Variants in ZWILCH observed in about 807,000 individuals in gnomAD.
ZWILCH encodes the protein protein zwilch homolog.
ZWILCH carries 74 observed loss-of-function variants against 79.9 expected under a neutral mutation model. The observed-to-expected ratio is 0.93, with a 90% CI of 0.77 to 1.12. The LOEUF (loss-of-function observed/expected upper bound fraction) is 1.12. ZWILCH is among the 50% of genes most tolerant of loss of function. The pLI is 0.00. For synonymous variants in ZWILCH, 241 were observed against 228.2 expected (o/e 1.06, Z -0.51); for missense variants, 694 against 687.5 (o/e 1.01, Z -0.11).
chr15:66,536,019 T>G lies in ZWILCH; in HGVS notation c.1428T>G (p.Ser476Arg). 2 of 1,612,784 alleles carry G rather than the reference T, an allele frequency of 1.2e-6. No homozygotes were observed. The highest frequency in any genetic ancestry group is 2.2e-5 in the South Asian group (2 of 90,866). ...ACCATATTCTAGAAATATTAGTCAG[T>G]TGCATGCCTTTCATTAAATCTCAAC... The part of the protein sequence containing the change: ...KLHHILEILV[S>R]CMPFIKSQHE... Residue 476 changes from serine (S) to arginine (R), a missense_variant, in exon 15 of 19, where the codon AGT (serine) becomes AGG (arginine). Ser to Arg is a moderately radical substitution (Grantham distance 110). Transcript: ENST00000307897.
At chr15:66,506,141 G>A (rs1014004875) in intron 1 of ZWILCH, among the ~76,000 whole-genome samples, 1 of 152,126 alleles carries the variant, frequency 6.6e-6, no homozygotes, top group African/African-American at 2.4e-5. Flanking sequence ...TTTGAGAACC[G>A]CTGTGTAATC....
At position 66,535,332 on chromosome 15, in the gene ZWILCH, A is replaced by T. The variant is rs185727962; in HGVS notation, c.1342-601A>T. Among the ~76,000 whole-genome samples the T allele has an allele frequency of 7.9e-5, 12 of 152,300 alleles. No individual in the cohort carries two copies. The East Asian group carries it at 2.3e-3, about 29-fold the overall frequency. ...TAATGCATTGCACTACATTACAGCT[A>T]CAAAGTCACTACTGGCGAGAGGGAT... is the stretch of plus-strand genomic sequence containing the variant. On this transcript the variant is annotated intron_variant, in intron 14 of 18. Transcript: ENST00000307897.
chr15:66,529,917 TG>T (rs1894808781), intron 12 of ZWILCH, among the ~76,000 whole-genome samples: 4 of 152,236 alleles, frequency 2.6e-5, no homozygotes, highest in Non-Finnish European at 5.9e-5. Context: ...CTGATGAGAA[TG>T]CAAGTTGAGA....
chr15:66,541,437 C>A (rs1267383544), intron 17 of ZWILCH, among the ~76,000 whole-genome samples: 1 of 152,048 alleles, frequency 6.6e-6, no homozygotes, highest in Non-Finnish European at 1.5e-5. Context: ...TAAAAGAGAT[C>A]AAGCAATAGG....
chr15:66,508,793 G>A (rs745685182), intron 1 of ZWILCH, 48 bp from the exon 2 acceptor site: 10 of 1,610,548 alleles, frequency 6.2e-6, no homozygotes, highest in Admixed American at 1.7e-5. Flanking sequence ...TGTGAATAAC[G>A]GGAGAGATAA....
At chr15:66,546,853 A>G (rs1376755903) in intron 18 of ZWILCH, 148 bp downstream of exon 18, 1 of 354,306 alleles carries the variant, frequency 2.8e-6, no homozygotes, top group Non-Finnish European at 5.1e-6. Context: ...GTTGTTATTG[A>G]GCAGTGCAAC....
chr15:66,523,594 A>G, intron 7 of ZWILCH, 83 bp from the exon 8 acceptor site: 1 of 841,186 alleles, frequency 1.2e-6, no homozygotes, highest in Non-Finnish European at 2.0e-6. Flanking sequence ...TGTGTGAAAG[A>G]TAGTTTGAAA....
intron 5 of ZWILCH, among the ~76,000 whole-genome samples, chr15:66,519,860 C>T (rs531716182): frequency 6.6e-6 from 1 of 152,310 alleles, no homozygotes; most frequent in African/African-American, 2.4e-5. Context: ...TACCGTAGTG[C>T]ATTCATAGGC....
intron 6 of ZWILCH, 114 bp downstream of exon 6, chr15:66,520,774 A>C (rs867588150): frequency 1.3e-6 from 1 of 761,420 alleles, no homozygotes; most frequent in Middle Eastern, 2.9e-4. Flanking sequence ...CTGTAGTATG[A>C]AAATGTTTAT....
chr15:66,536,080 C>A lies in ZWILCH; in HGVS notation c.1478+11C>A. 3 of 1,585,268 alleles carry A rather than the reference C, an allele frequency of 1.9e-6. No individual in the cohort carries two copies. The highest frequency in any genetic ancestry group is 2.6e-6 in the Non-Finnish European group (3 of 1,168,088). ...CTTTTCTTTAACACAGTAAGTACAT[C>A]TGTATTCTTCACTTATATAGAAATG... On this transcript the variant is annotated intron_variant, in intron 15 of 18. Transcript: ENST00000307897.
intron 4 of ZWILCH, 79 bp from the exon 5 acceptor site, chr15:66,518,800 G>A: frequency 7.4e-7 from 1 of 1,348,166 alleles, no homozygotes; most frequent in Non-Finnish European, 1.0e-6. Flanking sequence ...AACAGAGTGA[G>A]ACCCTGTCTC....
At position 66,537,145 on chromosome 15, in the gene ZWILCH, G is replaced by T. The variant is rs1279395582; in HGVS notation, c.1479-23G>T. ...TGTCAAATGGCTCTTTTTTCCAAAA[G>T]AGGTTCCATTTTGTTTTTTCAGGAT... On this transcript the variant is annotated intron_variant, in intron 15 of 18. Transcript: ENST00000307897. The T allele has an allele frequency of 2.5e-6, 4 of 1,588,060 alleles. No individual in the cohort carries two copies. In the East Asian group the frequency reaches 6.7e-5, roughly 27 times the overall value.
At position 66,528,942 on chromosome 15, in the gene ZWILCH, T is replaced by C. The variant is rs1894774195; in HGVS notation, c.1060T>C (p.Cys354Arg). 3.1e-6 allele frequency: 5 copies of C among 1,613,826 alleles called. No homozygotes were observed. The highest frequency in any genetic ancestry group is 4.2e-6 in the Non-Finnish European group (5 of 1,179,706). Reference sequence around the variant, plus strand: ...TCTTGATTTTGCTGAGCAACTGTGGTGCAAAATGAGCAGTAGTAGGTGTCC... The same window carrying C: ...TCTTGATTTTGCTGAGCAACTGTGGCGCAAAATGAGCAGTAGTAGGTGTCC... ...SDLDFAEQLWCKMSSSVISYQ... is the reference protein window; with the variant it reads ...SDLDFAEQLWRKMSSSVISYQ... Residue 354 changes from cysteine to arginine, a missense_variant, in exon 11 of 19, where the codon TGC becomes CGC. Cys to Arg is a radical substitution (Grantham distance 180). Transcript: ENST00000307897.
chr15:66,538,741 T>G (rs370087305), intron 16 of ZWILCH, among the ~76,000 whole-genome samples: 3 of 152,178 alleles, frequency 2.0e-5, no homozygotes, highest in East Asian at 3.8e-4. Context: ...CTTGAACCTA[T>G]CTCCTTATTT....
In ZWILCH at chr15:66,520,478, A is replaced by T. The variant is rs143378636; in HGVS notation, c.521-112A>T. 4.5e-6 allele frequency: 3 copies of T among 665,282 alleles called. No homozygotes were observed. The East Asian group carries it at 8.4e-5, about 19-fold the overall frequency. The allele number at this position is 665,282 out of a possible 1,614,324, so 41.2% of individuals were successfully genotyped here. A position where few individuals can be genotyped will look rare whatever the true frequency, so the allele number is the denominator to read the frequency against. The stretch of plus-strand genomic sequence containing the variant: ...CTGTGATTTAAAATTTAATTTTAAC[A>T]GTTATTTTGTTGAGTTGTGGTACAT... On this transcript the variant is annotated intron_variant, in intron 5 of 18. Transcript: ENST00000307897.
chr15:66,529,098 A>G (rs912767798), intron 11 of ZWILCH, 141 bp downstream of exon 11: 5 of 644,938 alleles, frequency 7.8e-6, no homozygotes, highest in East Asian at 2.7e-5. Context: ...CTAATGACAC[A>G]TTGGTGCATT....
intron 17 of ZWILCH, among the ~76,000 whole-genome samples, chr15:66,543,044 A>G (rs1431956362): frequency 6.6e-6 from 1 of 152,120 alleles, no homozygotes; most frequent in Non-Finnish European, 1.5e-5. Context: ...TCAAAATTGT[A>G]AAAGAATAGC....
chr15:66,513,641 G>C (rs899468567), intron 2 of ZWILCH, among the ~76,000 whole-genome samples: 2 of 150,098 alleles, frequency 1.3e-5, no homozygotes, highest in Admixed American at 1.3e-4. Context: ...GCACGATCTC[G>C]GCTCACTGCA....
rs1379189187 is a variant in ZWILCH, at chr15:66,529,502, T to C, written c.1084T>C (p.Ser362Pro). The change falls in exon 12 of 19, where the codon TCA (serine) becomes CCA (proline). Residue 362 changes from serine to proline, a missense_variant. Coordinates refer to ENST00000307897, the MANE Select transcript of ZWILCH (RefSeq NM_017975.5). ...LWCKMSSSVI[S>P]YQDLVKCFTL... ...CTGACTTGTTTTCCAAGGTGTGATT[T>C]CATACCAAGACTTGGTGAAGTGTTT... The C allele has an allele frequency of 6.2e-7, 1 of 1,613,608 alleles. No individual in the cohort carries two copies. Among genetic ancestry groups the C allele is most frequent in the Non-Finnish European group, 8.5e-7 (1 of 1,179,560 alleles).
Sources: allele counts gnomAD v4.1 joint callset (sites outside exome capture counted in the v4.1 genomes callset), GRCh38; gene constraint gnomAD v4.1.1; transcripts MANE v1.5; gene names NCBI Gene and HGNC (gene_info 2026-07-23, HGNC 2026-07-21).